The following KLC1 variants were observed in gnomAD, a reference collection of about 807,000 sequenced individuals.
The protein encoded by KLC1 is kinesin light chain 1.
Under a neutral mutation model 84.2 loss-of-function variants are expected in KLC1, and 30 were observed. The observed-to-expected ratio is 0.36, with a 90% CI of 0.27 to 0.48. KLC1 has a LOEUF of 0.48. Ranked by LOEUF, KLC1 falls within the 20% of genes least tolerant of loss-of-function variation. KLC1 has a pLI of 0.99. For synonymous variants in KLC1, 289 were observed against 293.3 expected (o/e 0.99, Z 0.15); for missense variants, 499 against 805.4 (o/e 0.62, Z 4.60).
In KLC1 at chr14:103,678,692, A is replaced by G. The variant is rs1280449173; in HGVS notation, c.1489-692A>G. Among the ~76,000 whole-genome samples, 10 of 151,762 alleles carry G rather than the reference A, an allele frequency of 6.6e-5. No homozygotes were observed. In the East Asian group the frequency reaches 1.9e-3, roughly 29 times the overall value. ...GCAACAGAGCGAGACCCTGTCTCAA[A>G]GAAAGAAAAAAAAAAAGAAAAAGTG... On this transcript the variant is annotated intron_variant, in intron 12 of 16. Transcript: ENST00000334553.
chr14:103,691,406 C>T lies in KLC1; in HGVS notation c.1782-953C>T, dbSNP rs201843309. On this transcript the variant is annotated intron_variant, in intron 14 of 16. Transcript: ENST00000334553. ...AACTCTGGGCCTCAAGTGATCCACC[C>T]GCCTCAGTCTCCCAAAGTGCTGGGA... 2.2e-4 allele frequency among the ~76,000 whole-genome samples: 33 copies of T among 149,636 alleles called. No homozygotes were observed. In the East Asian group the frequency reaches 3.1e-3, roughly 14 times the overall value.
chr14:103,650,420 A>G (rs2078332777), intron 1 of KLC1, among the ~76,000 whole-genome samples: 1 of 152,106 alleles, frequency 6.6e-6, no homozygotes, highest in Non-Finnish European at 1.5e-5. Context: ...GTTCCATTGA[A>G]TCATCTCCAG....
Position 103,673,038 on chromosome 14 carries a change from G to A in KLC1, c.1012G>A (p.Val338Ile). The change falls in exon 8 of 17, where the codon GTT becomes ATT. Residue 338 changes from valine (V) to isoleucine (I), a missense_variant. By Grantham distance (29) the Val-to-Ile change is conservative (BLOSUM62 3). Coordinates refer to ENST00000334553, the MANE Select transcript of KLC1 (RefSeq NM_001394837.1). ...GGTTTTGGGGAAGGATCACCCCGAT[G>A]TTGCCAAGCAGTTAAATAACTTGGC... ...EKVLGKDHPD[V>I]AKQLNNLALL... is the part of the protein sequence containing the mutation. 1 of 1,613,984 alleles carries A rather than the reference G, an allele frequency of 6.2e-7. No individual in the cohort carries two copies. The highest frequency in any genetic ancestry group is 1.1e-5 in the South Asian group (1 of 91,038).
chr14:103,693,869 C>T lies in KLC1; in HGVS notation c.1848+1444C>T, dbSNP rs1200857927. 2 of 1,357,236 alleles carry T rather than the reference C, an allele frequency of 1.5e-6. No individual in the cohort carries two copies. The highest frequency in any genetic ancestry group is 2.9e-5 in the East Asian group (1 of 34,748). 84.1% of individuals were successfully genotyped at this position (1,357,236 alleles called of 1,614,324 possible). ...ACCCGGCCAGGCTGGCTCAGGGAGG[C>T]CGAGGTGGCGCTGAGGTGGCTTCAG... On this transcript the variant is annotated intron_variant, in intron 15 of 16. Transcript: ENST00000334553. The surrounding 1 kb of genome is among the most constrained non-coding windows in gnomAD (Gnocchi z 5.1).
intron 15 of KLC1, chr14:103,698,901 C>G (rs546709768): frequency 1.2e-6 from 2 of 1,602,348 alleles, no homozygotes; most frequent in Middle Eastern, 1.7e-4. Context: ...CCGCAGGGTC[C>G]GGGCTGGGCA....
At chr14:103,640,561 C>T (rs2077408718) in intron 1 of KLC1, among the ~76,000 whole-genome samples, 1 of 151,728 alleles carries the variant, frequency 6.6e-6, no homozygotes, top group Non-Finnish European at 1.5e-5. Context: ...GGGGTTTCAC[C>T]GTGTTAACCA....
chr14:103,649,217 A>T (rs149854682), intron 1 of KLC1, among the ~76,000 whole-genome samples: 24 of 152,244 alleles, frequency 1.6e-4, no homozygotes, highest in African/African-American at 5.8e-4. Flanking sequence ...GAATTGCTTG[A>T]GTCTAGGAGT....
rs2083174262 is a variant in KLC1 at position 103,701,225 on chromosome 14, G to C, written c.*26G>C. The stretch of plus-strand genomic sequence containing the variant: ...GTGACCCCGACCTGGCCCCGCTCCA[G>C]GATGGGACTGCCGAGTGTGGCCCGG... On this transcript the variant is annotated 3_prime_UTR_variant, in exon 17 of 17. Coordinates refer to ENST00000334553, the MANE Select transcript of KLC1 (RefSeq NM_001394837.1). 2 of 1,550,326 alleles carry C rather than the reference G, an allele frequency of 1.3e-6. No homozygotes were observed. Among genetic ancestry groups the C allele is most frequent in the African/African-American group, 1.4e-5 (1 of 73,054 alleles).
rs1482271203 is a variant in KLC1 at position 103,693,878 on chromosome 14, C to T, written c.1848+1453C>T. 6.0e-6 allele frequency: 8 copies of T among 1,340,716 alleles called. No individual in the cohort carries two copies. Among genetic ancestry groups the T allele is most frequent in the East Asian group, 5.9e-5 (2 of 33,808 alleles). 83.1% of individuals were successfully genotyped at this position (1,340,716 alleles called of 1,614,324 possible). A position where few individuals can be genotyped will look rare whatever the true frequency, so the allele number is the denominator to read the frequency against. ...GGCTGGCTCAGGGAGGCCGAGGTGG[C>T]GCTGAGGTGGCTTCAGCACGCTGGG... is the stretch of plus-strand genomic sequence containing the variant. On this transcript the variant is annotated intron_variant, in intron 15 of 16. Coordinates refer to ENST00000334553, the MANE Select transcript of KLC1 (RefSeq NM_001394837.1). This position sits in a 1 kb window ranked among gnomAD's most constrained non-coding sequence, Gnocchi z 5.1.
At chr14:103,677,028 G>C (rs2080955070) in intron 11 of KLC1, among the ~76,000 whole-genome samples, 1 of 152,182 alleles carries the variant, frequency 6.6e-6, no homozygotes, top group African/African-American at 2.4e-5. Context: ...CACGTGAGCA[G>C]CAACATTCAG....
At chr14:103,659,041 G>A (rs1299466793) in intron 3 of KLC1, among the ~76,000 whole-genome samples, 2 of 151,596 alleles carry the variant, frequency 1.3e-5, no homozygotes, top group South Asian at 2.1e-4. Context: ...GCAATGGCGC[G>A]ATCTTGGCTC....
chr14:103,697,099 T>C, intron 15 of KLC1: 1 of 985,416 alleles, frequency 1.0e-6, no homozygotes, highest in Non-Finnish European at 1.2e-6. Flanking sequence ...TAGAAAAGCA[T>C]TTGGAATTGC....
At chr14:103,695,900 T>G (rs952907523) in intron 15 of KLC1, 2 of 985,316 alleles carry the variant, frequency 2.0e-6, no homozygotes, top group Non-Finnish European at 2.4e-6. Flanking sequence ...CCCCGATGTT[T>G]GAACCCTTCC....
rs757853450 is a variant in KLC1 at position 103,679,453 on chromosome 14, A to G, written c.1558A>G (p.Arg520Gly). The G allele has an allele frequency of 1.2e-6, 2 of 1,614,058 alleles. No individual in the cohort carries two copies. Among genetic ancestry groups the G allele is most frequent in the East Asian group, 2.2e-5 (1 of 44,894 alleles). Reference protein sequence around the residue: ...LNDPENMEKRRSRESLNVDVV... With the variant: ...LNDPENMEKRGSRESLNVDVV... ...TGACCCTGAGAACATGGAGAAGCGCAGGAGCCGTGAGAGCCTCAACGTGGA... is the reference window on the plus strand; with the variant it reads ...TGACCCTGAGAACATGGAGAAGCGCGGGAGCCGTGAGAGCCTCAACGTGGA... Residue 520 changes from arginine to glycine, a missense_variant, in exon 13 of 17, where the codon AGG (arginine) becomes GGG (glycine). Transcript: ENST00000334553.
At position 103,669,759 on chromosome 14, in the gene KLC1, C is replaced by T. The variant is rs112339308; in HGVS notation, c.885+161C>T. 2.4e-4 allele frequency among the ~76,000 whole-genome samples: 36 copies of T among 152,354 alleles called. 1 individual carries two copies. The highest frequency in any genetic ancestry group is 7.9e-4 in the African/African-American group (33 of 41,588). The stretch of plus-strand genomic sequence containing the variant: ...GTCTTCACTTACTCAGTGCTAGTGA[C>T]AGGCCAGAGCACACTTAATTTGTTT... On this transcript the variant is annotated intron_variant, in intron 6 of 16. Transcript: ENST00000334553.
intron 14 of KLC1, among the ~76,000 whole-genome samples, chr14:103,690,263 A>G (rs918587229): frequency 2.6e-5 from 4 of 151,972 alleles, no homozygotes; most frequent in Non-Finnish European, 2.9e-5. Context: ...ATTTGGTTTG[A>G]TTTTATACTT....
chr14:103,630,412 T>A (rs2151219052), intron 1 of KLC1, among the ~76,000 whole-genome samples: 1 of 152,326 alleles, frequency 6.6e-6, no homozygotes, highest in East Asian at 1.9e-4. Context: ...TGAAAAGGAA[T>A]ACTTACAAAA....
chr14:103,684,878 G>A lies in KLC1; in HGVS notation c.1651-2203G>A, dbSNP rs1009122502. The A allele has an allele frequency of 3.5e-5, 25 of 708,040 alleles. 1 individual carries two copies. In the Middle Eastern group the frequency reaches 2.3e-3, roughly 65 times the overall value. The allele number at this position is 708,040 out of a possible 1,614,324, so 43.9% of individuals were successfully genotyped here. A position where few individuals can be genotyped will look rare whatever the true frequency, so the allele number is the denominator to read the frequency against. ...GGGGCTGCACTGTTAATGACGATAC[G>A]TTAGCATTTTAGCATCCTTTTTCTC... On this transcript the variant is annotated intron_variant, in intron 13 of 16. Coordinates refer to ENST00000334553, the MANE Select transcript of KLC1 (RefSeq NM_001394837.1).
At chr14:103,667,640 CT>C (rs1386290101) in intron 5 of KLC1, among the ~76,000 whole-genome samples, 1 of 152,176 alleles carries the variant, frequency 6.6e-6, no homozygotes, top group African/African-American at 2.4e-5. Flanking sequence ...CTGGCCACTA[CT>C]TTTTGGAACT....
Sources: allele counts gnomAD v4.1 joint callset (sites outside exome capture counted in the v4.1 genomes callset), GRCh38; gene constraint gnomAD v4.1.1; non-coding constraint Gnocchi (gnomAD v3.1); transcripts MANE v1.5; gene names NCBI Gene and HGNC (gene_info 2026-07-23, HGNC 2026-07-21).